Variants in FBXW4 observed in about 807,000 individuals in gnomAD.
FBXW4 encodes the protein F-box and WD repeat domain containing 4.
In FBXW4, 40 loss-of-function variants were observed where a neutral mutation model predicts 61.8. The observed-to-expected ratio is 0.65, with a 90% CI of 0.50 to 0.84. The LOEUF (loss-of-function observed/expected upper bound fraction) is 0.84, where lower values mean the gene tolerates loss of function less well. Among genes scored for constraint, FBXW4 ranks in the 40% least tolerant of loss-of-function variants. The pLI is 0.00. For synonymous variants in FBXW4, 311 were observed against 313.8 expected (o/e 0.99, Z 0.10); for missense variants, 672 against 753.8 (o/e 0.89, Z 1.27).
intron 1 of FBXW4, among the ~76,000 whole-genome samples, chr10:101,677,615 C>T (rs1489376572): frequency 2.0e-5 from 3 of 151,948 alleles, no homozygotes; most frequent in African/African-American, 7.3e-5. Context: ...AGTTTATATG[C>T]ATTTGTCAGA....
At chr10:101,635,940 C>T (rs1272897537) in intron 5 of FBXW4, among the ~76,000 whole-genome samples, 1 of 151,660 alleles carries the variant, frequency 6.6e-6, no homozygotes, top group African/African-American at 2.4e-5. Context: ...GAGGGAAGAG[C>T]GATCTTATAA....
chr10:101,684,780 T>G (rs1346296157), intron 1 of FBXW4, among the ~76,000 whole-genome samples: 1 of 152,230 alleles, frequency 6.6e-6, no homozygotes, highest in Non-Finnish European at 1.5e-5. Flanking sequence ...TAGCAGAGGT[T>G]TATAATTAAG....
At chr10:101,650,896 G>A (rs745510225) in intron 5 of FBXW4, among the ~76,000 whole-genome samples, 2 of 152,200 alleles carry the variant, frequency 1.3e-5, no homozygotes, top group Admixed American at 6.5e-5. Flanking sequence ...TCGGGCTCTC[G>A]AGAGACGCGG....
chr10:101,673,534 C>A lies in FBXW4; in HGVS notation c.961G>T (p.Val321Phe). 2 of 1,613,964 alleles carry A rather than the reference C, an allele frequency of 1.2e-6. No individual in the cohort carries two copies. The highest frequency in any genetic ancestry group is 1.7e-6 in the Non-Finnish European group (2 of 1,179,874). Residue 321 changes from valine (V) to phenylalanine (F), a missense_variant, in exon 3 of 9, where the codon GTT becomes TTT. Physicochemically the swap from Val to Phe is conservative, Grantham distance 50 (BLOSUM62 -1). Transcript: ENST00000331272. Reference protein sequence around the residue: ...LGVFAGHDEDVCHFVLANSHI... With the variant: ...LGVFAGHDEDFCHFVLANSHI... ...GAGTTGGCCAGCACAAAGTGGCAAACGTCCTCATCATGCCCAGCAAAGACT... is the reference window on the plus strand; with the variant it reads ...GAGTTGGCCAGCACAAAGTGGCAAAAGTCCTCATCATGCCCAGCAAAGACT...
Position 101,694,761 on chromosome 10 carries a change from T to C in FBXW4, c.345A>G (p.Arg115=). Residue 115 remains arginine (R), a synonymous_variant, in exon 1 of 9, where the codon AGA becomes AGG. Coordinates refer to ENST00000331272, the MANE Select transcript of FBXW4 (RefSeq NM_022039.4). This position sits in a 1 kb window ranked among gnomAD's most constrained non-coding sequence, Gnocchi z 6.0. ...SAGAGKEAQG[R]EYGKKEEWRV... is the part of the protein sequence containing the mutation. ...TCCATTCCTCCTTCTTCCCATACTC[T>C]CTTCCTTGTGCCTCCTTCCCGGCCC... 1 of 1,354,258 alleles carries C rather than the reference T, an allele frequency of 7.4e-7. No homozygotes were observed. Among genetic ancestry groups the C allele is most frequent in the Admixed American group, 4.0e-5 (1 of 24,756 alleles). The allele number at this position is 1,354,258 out of a possible 1,614,324, so 83.9% of individuals were successfully genotyped here.
chr10:101,661,774 C>A (rs1002391188), intron 5 of FBXW4, among the ~76,000 whole-genome samples: 3 of 152,162 alleles, frequency 2.0e-5, no homozygotes, highest in African/African-American at 7.2e-5. Flanking sequence ...TTTCCCTAGA[C>A]AAGACCCAGA....
chr10:101,668,068 T>C, intron 4 of FBXW4, 88 bp from the exon 5 acceptor site: 1 of 1,006,078 alleles, frequency 9.9e-7, no homozygotes, highest in Non-Finnish European at 1.6e-6. Context: ...CTGTTGGAGG[T>C]GGAGAAATGG....
intron 5 of FBXW4, among the ~76,000 whole-genome samples, chr10:101,656,024 C>T (rs1269371215): frequency 6.6e-6 from 1 of 152,208 alleles, no homozygotes; most frequent in Non-Finnish European, 1.5e-5. Context: ...TCACACATCT[C>T]AGCTTTTTCT....
intron 1 of FBXW4, among the ~76,000 whole-genome samples, chr10:101,689,149 A>G (rs1214895391): frequency 1.3e-5 from 2 of 149,070 alleles, no homozygotes; most frequent in East Asian, 3.9e-4. Context: ...AAAAAAAATG[A>G]AAGTATGGAG....
intron 5 of FBXW4, among the ~76,000 whole-genome samples, chr10:101,636,231 C>A (rs1564909074): frequency 6.6e-6 from 1 of 151,716 alleles, no homozygotes; most frequent in Non-Finnish European, 1.5e-5. Context: ...GTGGCGTGCA[C>A]CACCTAACTA....
In FBXW4 at chr10:101,667,958, C is replaced by T. The variant is rs759047291; in HGVS notation, c.1163G>A (p.Arg388Gln). The T allele has an allele frequency of 9.3e-6, 15 of 1,614,058 alleles. No homozygotes were observed. The highest frequency in any genetic ancestry group is 4.5e-5 in the East Asian group (2 of 44,896). ...TAKVWPLASG[R>Q]LGQCLHTIQT... The stretch of plus-strand genomic sequence containing the variant: ...GATGGTGTGTAAGCACTGCCCCAGC[C>T]GGCCTGAGGCCAAAGGCCACACCTA... Residue 388 changes from arginine to glutamine, a missense_variant, in exon 5 of 9, where the codon CGG (arginine) becomes CAG (glutamine). Physicochemically the swap from Arg to Gln is conservative, Grantham distance 43. Coordinates refer to ENST00000331272, the MANE Select transcript of FBXW4 (RefSeq NM_022039.4).
intron 2 of FBXW4, among the ~76,000 whole-genome samples, chr10:101,674,619 G>A (rs2064390407): frequency 6.6e-6 from 1 of 152,174 alleles, no homozygotes; most frequent in Non-Finnish European, 1.5e-5. Flanking sequence ...ATCCTCACAG[G>A]GATATCTACA....
intron 2 of FBXW4, 78 bp downstream of exon 2, chr10:101,676,263 T>C (rs1225687270): frequency 5.0e-6 from 6 of 1,197,876 alleles, no homozygotes; most frequent in Admixed American, 1.8e-5. Flanking sequence ...CATTAGCCTC[T>C]ATGTAGGACC....
chr10:101,665,491 A>G (rs1490845918), intron 5 of FBXW4, among the ~76,000 whole-genome samples: 1 of 152,174 alleles, frequency 6.6e-6, no homozygotes, highest in Non-Finnish European at 1.5e-5. Context: ...GATGAATGGG[A>G]AGAAAACATA....
At chr10:101,671,566 G>T (rs998931062) in intron 4 of FBXW4, among the ~76,000 whole-genome samples, 1 of 152,120 alleles carries the variant, frequency 6.6e-6, no homozygotes, top group Non-Finnish European at 1.5e-5. Context: ...AGACCACAGA[G>T]AATAGAAGAA....
At chr10:101,639,521 T>C (rs1346076187) in intron 5 of FBXW4, among the ~76,000 whole-genome samples, 1 of 152,210 alleles carries the variant, frequency 6.6e-6, no homozygotes, top group African/African-American at 2.4e-5. Context: ...TAGACACCTA[T>C]TGTTCTGTGT....
intron 5 of FBXW4, among the ~76,000 whole-genome samples, chr10:101,651,618 C>T (rs1052919517): frequency 6.6e-6 from 1 of 152,182 alleles, no homozygotes; most frequent in East Asian, 1.9e-4. Context: ...TCCTTCCCTC[C>T]CTCTATAAGG....
intron 6 of FBXW4, 125 bp downstream of exon 6, chr10:101,624,620 G>C: frequency 1.1e-6 from 1 of 934,504 alleles, no homozygotes; most frequent in Non-Finnish European, 1.7e-6. Context: ...CACAGCAGAG[G>C]CCTCCTACTA....
intron 1 of FBXW4, among the ~76,000 whole-genome samples, chr10:101,691,958 C>G (rs2064608724): frequency 6.6e-6 from 1 of 152,062 alleles, no homozygotes; most frequent in Non-Finnish European, 1.5e-5. Context: ...AGAAAACATA[C>G]TGAAGAGAGT....
Sources: allele counts gnomAD v4.1 joint callset (sites outside exome capture counted in the v4.1 genomes callset), GRCh38; gene constraint gnomAD v4.1.1; non-coding constraint Gnocchi (gnomAD v3.1); transcripts MANE v1.5; gene names NCBI Gene and HGNC (gene_info 2026-07-23, HGNC 2026-07-21).